The following TSHR variants were observed in gnomAD, a reference collection of about 807,000 sequenced individuals.
TSHR encodes the protein thyroid stimulating hormone receptor.
A neutral mutation model predicts 64.1 loss-of-function variants in TSHR; 51 were observed. The observed-to-expected ratio is 0.80, with a 90% CI of 0.64 to 1.01. The LOEUF (loss-of-function observed/expected upper bound fraction) is 1.01, where lower values mean the gene tolerates loss of function less well. Ranked by LOEUF, TSHR falls within the 50% of genes least tolerant of loss-of-function variation. The pLI is 0.00. For missense variants in TSHR, 877 were observed against 942.8 expected (o/e 0.93, Z 0.91); for synonymous variants, 361 against 361.9 (o/e 1.00, Z 0.03).
chr14:81,005,597 G>A (rs1889561761), intron 1 of TSHR, among the ~76,000 whole-genome samples: 1 of 152,126 alleles, frequency 6.6e-6, no homozygotes, highest in African/African-American at 2.4e-5. Flanking sequence ...CTCAAGCTGT[G>A]GTGTTGTCTG....
At chr14:81,078,607 G>A (rs909150230) in intron 3 of TSHR, 1 of 152,160 alleles carries the variant, frequency 6.6e-6, no homozygotes, top group Admixed American at 6.5e-5. Flanking sequence ...TGTTAGAAGT[G>A]ATACAATGCC....
intron 1 of TSHR, among the ~76,000 whole-genome samples, chr14:80,976,427 G>A (rs551219929): frequency 6.6e-6 from 1 of 152,236 alleles, no homozygotes; most frequent in African/African-American, 2.4e-5. Context: ...CTCTTCCACT[G>A]TTCATTTTAA....
intron 1 of TSHR, among the ~76,000 whole-genome samples, chr14:80,964,085 A>C (rs753450676): frequency 2.6e-5 from 4 of 152,202 alleles, no homozygotes; most frequent in Non-Finnish European, 5.9e-5. Flanking sequence ...GGTTGGTCTC[A>C]GCCAGGTGGG....
chr14:81,075,391 C>T (rs1264394866), intron 3 of TSHR, among the ~76,000 whole-genome samples: 1 of 152,194 alleles, frequency 6.6e-6, no homozygotes, highest in Non-Finnish European at 1.5e-5. Flanking sequence ...ACAGTACTGA[C>T]ATTGGGTCTG....
intron 1 of TSHR, among the ~76,000 whole-genome samples, chr14:81,017,379 C>T (rs1883468911): frequency 6.6e-6 from 1 of 152,122 alleles, no homozygotes; most frequent in African/African-American, 2.4e-5. Context: ...ACAGGGACCT[C>T]AGTAGAGCTC....
At chr14:81,009,879 G>C (rs116875209) in intron 1 of TSHR, among the ~76,000 whole-genome samples, 12 of 152,088 alleles carry the variant, frequency 7.9e-5, no homozygotes, top group South Asian at 2.1e-4. Context: ...TGCCAGTTGT[G>C]GGGGGAGAAT....
At chr14:81,072,975 C>A (rs1297676827) in intron 3 of TSHR, among the ~76,000 whole-genome samples, 4 of 90,148 alleles carry the variant, frequency 4.4e-5, no homozygotes, top group Non-Finnish European at 7.6e-5. Context: ...CCAGCCTGGG[C>A]GACAGAGCGA....
intron 1 of TSHR, among the ~76,000 whole-genome samples, chr14:80,958,489 T>C (rs1437458767): frequency 6.6e-6 from 1 of 152,064 alleles, no homozygotes; most frequent in African/African-American, 2.4e-5. Context: ...ACAAGTCACA[T>C]TCAGTAAACC....
intron 7 of TSHR, among the ~76,000 whole-genome samples, chr14:81,101,102 C>T (rs1258875208): frequency 1.3e-5 from 2 of 152,166 alleles, no homozygotes; most frequent in African/African-American, 4.8e-5. Flanking sequence ...AGACACTTGT[C>T]ACTCTGGAAA....
intron 1 of TSHR, among the ~76,000 whole-genome samples, chr14:80,999,159 C>T (rs1253187434): frequency 6.6e-6 from 1 of 152,204 alleles, no homozygotes; most frequent in Non-Finnish European, 1.5e-5. Context: ...TAAGAATCTC[C>T]TATACCTGAT....
At chr14:81,042,839 T>A (rs1432797197) in intron 1 of TSHR, among the ~76,000 whole-genome samples, 1 of 152,196 alleles carries the variant, frequency 6.6e-6, no homozygotes, top group Non-Finnish European at 1.5e-5. Flanking sequence ...GTAATTGATA[T>A]GCTAAATGCC....
intron 1 of TSHR, among the ~76,000 whole-genome samples, chr14:81,059,964 T>C (rs1367378185): frequency 2.0e-5 from 3 of 152,164 alleles, no homozygotes; most frequent in African/African-American, 4.8e-5. Context: ...CGGGAAAGAA[T>C]AGAAACATTA....
chr14:81,004,188 T>G (rs1340892295), intron 1 of TSHR, among the ~76,000 whole-genome samples: 1 of 152,174 alleles, frequency 6.6e-6, no homozygotes, highest in African/African-American at 2.4e-5. Context: ...ATAATAGCAC[T>G]TTACTCGTCT....
chr14:81,038,142 T>A (rs891123685), intron 1 of TSHR, among the ~76,000 whole-genome samples: 3 of 152,016 alleles, frequency 2.0e-5, no homozygotes, highest in Non-Finnish European at 4.4e-5. Flanking sequence ...ATTTTTCTGA[T>A]CACAATGGAA....
intron 1 of TSHR, among the ~76,000 whole-genome samples, chr14:80,986,768 T>G (rs1888476258): frequency 6.6e-6 from 1 of 152,256 alleles, no homozygotes; most frequent in African/African-American, 2.4e-5. Flanking sequence ...ATTACAGGCG[T>G]GAGCCACTGC....
Position 81,143,144 on chromosome 14 carries a change from G to T in TSHR, c.1086G>T (p.Glu362Asp), listed in dbSNP as rs1043784251. 6.2e-7 allele frequency: 1 copy of T among 1,614,104 alleles called. No individual in the cohort carries two copies. The highest frequency in any genetic ancestry group is 2.2e-5 in the East Asian group (1 of 44,868). The change falls in exon 10 of 10, where the codon GAG becomes GAT. Residue 362 changes from glutamate to aspartate, a missense_variant. Glu to Asp is a conservative substitution (Grantham distance 45). Transcript: ENST00000298171. Reference sequence around the variant, plus strand: ...TCTTCTTTGAAGAACAAGAGGATGAGATCATTGGTTTTGGCCAGGAGCTCA... The same window carrying T: ...TCTTCTTTGAAGAACAAGAGGATGATATCATTGGTTTTGGCCAGGAGCTCA... ...YYVFFEEQEDEIIGFGQELKN... is the reference protein window; with the variant it reads ...YYVFFEEQEDDIIGFGQELKN...
At chr14:81,037,544 T>C (rs898264851) in intron 1 of TSHR, among the ~76,000 whole-genome samples, 5 of 151,752 alleles carry the variant, frequency 3.3e-5, no homozygotes, top group African/African-American at 9.7e-5. Flanking sequence ...TTAAAAGATA[T>C]AGAGTGGCTG....
At chr14:81,083,450 T>C (rs532015454) in intron 3 of TSHR, among the ~76,000 whole-genome samples, 1 of 148,026 alleles carries the variant, frequency 6.8e-6, no homozygotes, top group African/African-American at 2.6e-5. Context: ...TGCTGGATGA[T>C]TTCCTTGAAA....
intron 1 of TSHR, chr14:80,995,788 AC>A (rs1175966246): frequency 1.5e-4 from 23 of 151,692 alleles, no homozygotes; most frequent in Admixed American, 1.3e-3. Context: ...ACACAAGTTT[AC>A]CTGTGTAACA....
Sources: gnomAD v4.1 joint callset for allele counts (sites outside exome capture counted in the v4.1 genomes callset) on GRCh38, gnomAD v4.1.1 for gene constraint, MANE v1.5 for transcripts, NCBI Gene and HGNC (gene_info 2026-07-23, HGNC 2026-07-21) for gene names.